Variants in DCC observed in about 807,000 individuals in gnomAD.
The protein encoded by DCC is netrin receptor DCC.
DCC carries 58 observed loss-of-function variants against 172.5 expected under a neutral mutation model. The observed-to-expected ratio is 0.34, with a 90% CI of 0.27 to 0.42. DCC has a LOEUF of 0.42. DCC is among the 10% of genes least tolerant of loss of function. The pLI, the probability that DCC is intolerant of heterozygous loss-of-function variation, is 1.00. For missense variants in DCC, 1,740 were observed against 1,791.0 expected, an observed-to-expected ratio of 0.97 and a Z score of 0.51; for synonymous variants, 709 against 644.5, an observed-to-expected ratio of 1.10 and a Z score of -1.52.
intron 9 of DCC, among the ~76,000 whole-genome samples, chr18:53,201,147 C>G (rs1373952374): frequency 2.0e-5 from 3 of 152,120 alleles, no homozygotes; most frequent in Non-Finnish European, 4.4e-5. Flanking sequence ...CCACTCATCT[C>G]CCAGTCCTCC....
At chr18:53,515,455 T>C (rs1325605044) in intron 27 of DCC, among the ~76,000 whole-genome samples, 5 of 149,912 alleles carry the variant, frequency 3.3e-5, no homozygotes, top group East Asian at 2.0e-4. Flanking sequence ...CCAGGGCAAT[T>C]AGGCAGGAGA....
intron 2 of DCC, among the ~76,000 whole-genome samples, chr18:52,863,019 C>T (rs1460068094): frequency 6.6e-6 from 1 of 152,054 alleles, no homozygotes; most frequent in African/African-American, 2.4e-5. Context: ...TTAGCTTTGA[C>T]CAGAGAAGAT....
chr18:52,800,903 T>A lies in DCC; in HGVS notation c.412+48529T>A, dbSNP rs1472328687. 2.6e-5 allele frequency among the ~76,000 whole-genome samples: 4 copies of A among 152,202 alleles called. No homozygotes were observed. In the East Asian group the frequency reaches 7.7e-4, roughly 29 times the overall value. The stretch of plus-strand genomic sequence containing the variant: ...TACTGGTCTGGGCCAGCTGGACTGG[T>A]ATAATTATGCACCTACTATAAGCTG... On this transcript the variant is annotated intron_variant, in intron 2 of 28. Transcript: ENST00000442544.
chr18:53,055,756 T>G (rs1341073000), intron 5 of DCC, among the ~76,000 whole-genome samples: 1 of 152,058 alleles, frequency 6.6e-6, no homozygotes. Context: ...TAAGCAGACT[T>G]CAAGTCACTT....
chr18:52,856,520 G>A (rs889967912), intron 2 of DCC, among the ~76,000 whole-genome samples: 2 of 150,286 alleles, frequency 1.3e-5, no homozygotes, highest in Admixed American at 6.7e-5. Context: ...CAGCTACTCC[G>A]GAAGCTGAGG....
intron 12 of DCC, among the ~76,000 whole-genome samples, chr18:53,301,697 A>G (rs2057143863): frequency 6.6e-6 from 1 of 151,604 alleles, no homozygotes; most frequent in African/African-American, 2.4e-5. Flanking sequence ...TTAATTCATC[A>G]TTTGTAGATA....
At chr18:53,459,678 T>G (rs886370673) in intron 24 of DCC, among the ~76,000 whole-genome samples, 1 of 152,188 alleles carries the variant, frequency 6.6e-6, no homozygotes, top group African/African-American at 2.4e-5. Context: ...TTTATAATTT[T>G]GATAATTCTT....
intron 12 of DCC, among the ~76,000 whole-genome samples, chr18:53,226,772 A>G (rs983804829): frequency 3.3e-5 from 5 of 151,558 alleles, no homozygotes; most frequent in African/African-American, 1.2e-4. Context: ...CCATTAGGAA[A>G]TTTGTATTAA....
chr18:53,384,119 CG>C (rs59573959), intron 15 of DCC, among the ~76,000 whole-genome samples: 64,252 of 151,770 alleles, frequency 0.42, 15,376 homozygotes, highest in Non-Finnish European at 0.55. Flanking sequence ...TTCTGGTCAT[CG>C]TATATGCCTA....
At chr18:52,646,487 T>C (rs1023432778) in intron 1 of DCC, among the ~76,000 whole-genome samples, 3 of 152,208 alleles carry the variant, frequency 2.0e-5, no homozygotes, top group Non-Finnish European at 2.9e-5. Context: ...CCCACAAGAC[T>C]GCCTGTTACT....
At position 53,388,044 on chromosome 18, in the gene DCC, G is replaced by C. The variant is rs3794918; in HGVS notation, c.2455+1906G>C. Reference sequence around the variant, plus strand: ...TAATTCTAGCATATGACATTCCCAAGGTGGTTTCAAAAACACCAGTGATCC... The same window carrying C: ...TAATTCTAGCATATGACATTCCCAACGTGGTTTCAAAAACACCAGTGATCC... On this transcript the variant is annotated intron_variant, in intron 16 of 28. Transcript: ENST00000442544. 2.0e-5 allele frequency among the ~76,000 whole-genome samples: 3 copies of C among 151,986 alleles called. 1 individual carries two copies. The highest frequency in any genetic ancestry group is 2.4e-5 in the African/African-American group (1 of 41,388).
intron 1 of DCC, among the ~76,000 whole-genome samples, chr18:52,626,057 T>C (rs550429064): frequency 6.6e-6 from 1 of 152,318 alleles, no homozygotes; most frequent in East Asian, 1.9e-4. Context: ...ATGATATTCA[T>C]GACATTACAT....
chr18:53,155,783 TTGGAAGG>T (rs2054721739), intron 7 of DCC, among the ~76,000 whole-genome samples: 1 of 152,238 alleles, frequency 6.6e-6, no homozygotes, highest in South Asian at 2.1e-4. Flanking sequence ...TCCCAGTACT[TTGGAAGG>T]CCAAGACAGG....
intron 2 of DCC, among the ~76,000 whole-genome samples, chr18:52,825,775 T>C (rs1008878649): frequency 6.6e-6 from 1 of 152,202 alleles, no homozygotes; most frequent in African/African-American, 2.4e-5. Flanking sequence ...TGAAAATCAA[T>C]ATTTCTTTCA....
At chr18:52,834,103 C>G (rs1006771554) in intron 2 of DCC, among the ~76,000 whole-genome samples, 1 of 152,108 alleles carries the variant, frequency 6.6e-6, no homozygotes. Flanking sequence ...GCAGAGCTTC[C>G]ACACAGGTGG....
At position 52,848,793 on chromosome 18, in the gene DCC, A is replaced by T. The variant is rs561562246; in HGVS notation, c.413-57251A>T. On this transcript the variant is annotated intron_variant, in intron 2 of 28. Transcript: ENST00000442544. ...TAAGACATATTTTTCCATTTATGTTAAGTGATTTTTAGACTTTTAATTCAG... is the reference window on the plus strand; with the variant it reads ...TAAGACATATTTTTCCATTTATGTTTAGTGATTTTTAGACTTTTAATTCAG... Among the ~76,000 whole-genome samples, 5 of 152,318 alleles carry T rather than the reference A, an allele frequency of 3.3e-5. No homozygotes were observed. In the South Asian group the frequency reaches 8.3e-4, roughly 25 times the overall value.
intron 7 of DCC, among the ~76,000 whole-genome samples, chr18:53,154,331 C>T (rs1018769522): frequency 5.9e-5 from 9 of 152,092 alleles, no homozygotes; most frequent in Non-Finnish European, 1.0e-4. Flanking sequence ...GGATCATCTC[C>T]CAAATGTAGT....
At chr18:53,414,534 T>C (rs2145063542) in intron 20 of DCC, among the ~76,000 whole-genome samples, 1 of 152,252 alleles carries the variant, frequency 6.6e-6, no homozygotes, top group Middle Eastern at 3.4e-3. Context: ...CTTTTTAAAA[T>C]AACGCTTATA....
At chr18:52,405,060 C>T (rs1986589531) in intron 1 of DCC, among the ~76,000 whole-genome samples, 2 of 151,574 alleles carry the variant, frequency 1.3e-5, no homozygotes, top group Non-Finnish European at 1.5e-5. Flanking sequence ...TCCAGTCTAT[C>T]ATTGTTGGAC....
Sources: gnomAD v4.1 joint callset for allele counts (sites outside exome capture counted in the v4.1 genomes callset) on GRCh38, gnomAD v4.1.1 for gene constraint, MANE v1.5 for transcripts, NCBI Gene and HGNC (gene_info 2026-07-23, HGNC 2026-07-21) for gene names.